TBC1D8B: variants seen among roughly 807,000 people sequenced by gnomAD.
The protein encoded by TBC1D8B is TBC1 domain family member 8B.
TBC1D8B carries 75 observed loss-of-function variants against 82.9 expected under a neutral mutation model. The observed-to-expected ratio is 0.90, with a 90% CI of 0.75 to 1.10. The LOEUF is 1.10. Among genes scored for constraint, TBC1D8B ranks in the 50% least tolerant of loss-of-function variants. TBC1D8B has a pLI of 0.00. For missense variants in TBC1D8B, 794 were observed against 796.9 expected (o/e 1.00, Z 0.04); for synonymous variants, 276 against 276.8 (o/e 1.00, Z 0.03).
At chrX:106,846,890 A>G (rs1488183072) in intron 10 of TBC1D8B, among the ~76,000 whole-genome samples, 1 of 112,549 alleles carries the variant, frequency 8.9e-6, no homozygotes, top group African/African-American at 3.2e-5. Context: ...AGAAATTAAA[A>G]TTAAAACAAT....
intron 10 of TBC1D8B, among the ~76,000 whole-genome samples, chrX:106,846,801 C>G (rs1932465199): frequency 9.0e-6 from 1 of 111,239 alleles, no homozygotes; most frequent in East Asian, 2.8e-4. Context: ...TAAAAATGAG[C>G]AATGGACATG....
rs754093308 is a variant in TBC1D8B at position 106,802,972 on chromosome X, G to A, written c.119G>A (p.Gly40Glu). 3.3e-6 allele frequency: 4 copies of A among 1,206,709 alleles called. No individual in the cohort carries two copies. The highest frequency in any genetic ancestry group is 4.5e-6 in the Non-Finnish European group (4 of 893,552). ...RRRGYGEEGG[G>E]GLTGLLVGTL... ...CGGGGCTACGGGGAGGAAGGCGGAG[G>A]GGGGCTCACAGGTAAGCTGTGGCCA... Residue 40 changes from glycine to glutamate, a missense_variant, in exon 1 of 21, where the codon GGG becomes GAG. Coordinates refer to ENST00000357242, the MANE Select transcript of TBC1D8B (RefSeq NM_017752.3).
rs1218995817 is a variant in TBC1D8B, at chrX:106,870,251, G to A, written c.2870-465G>A. On this transcript the variant is annotated intron_variant, in intron 19 of 20. Coordinates refer to ENST00000357242, the MANE Select transcript of TBC1D8B (RefSeq NM_017752.3). ...TCACCATGTTGGCCAGGCTGATCTCGAACTCCTGGCCTCAGGTGATCTGCC... is the reference window on the plus strand; with the variant it reads ...TCACCATGTTGGCCAGGCTGATCTCAAACTCCTGGCCTCAGGTGATCTGCC... Among the ~76,000 whole-genome samples, 11 of 111,820 alleles carry A rather than the reference G, an allele frequency of 9.8e-5. No homozygotes were observed. In the East Asian group the frequency reaches 2.5e-3, roughly 26 times the overall value.
Position 106,865,572 on chromosome X carries a change from C to A in TBC1D8B, c.2366C>A (p.Ser789Ter). 2.5e-6 allele frequency: 3 copies of A among 1,199,375 alleles called. No homozygotes were observed. The highest frequency in any genetic ancestry group is 1.1e-6 in the Non-Finnish European group (1 of 889,206). Residue 789 changes from serine (S) to a stop codon, truncating the protein, a stop_gained, in exon 15 of 21, where the codon TCA becomes TAA. Coordinates refer to ENST00000357242, the MANE Select transcript of TBC1D8B (RefSeq NM_017752.3). LOFTEE classifies it high-confidence loss of function. ...ATCTTTTTAAAGTTGCGTGTTGTAT[C>A]ACAAGATGTGAAATTGAGCCTTCAA... Reference protein sequence around the residue: ...TTKQNVLRVVSQDVKLSLQEL... With the variant: ...TTKQNVLRVV
At chrX:106,859,444 C>G (rs1932754446) in intron 14 of TBC1D8B, among the ~76,000 whole-genome samples, 1 of 111,362 alleles carries the variant, frequency 9.0e-6, no homozygotes, top group Admixed American at 9.5e-5. Flanking sequence ...AGCTGTATTC[C>G]TAGGTATTTT....
chrX:106,859,552 T>C (rs1932755499), intron 14 of TBC1D8B, among the ~76,000 whole-genome samples: 1 of 112,135 alleles, frequency 8.9e-6, no homozygotes, highest in Admixed American at 9.4e-5. Flanking sequence ...TTTTGTATTC[T>C]GAAACTTTGC....
chrX:106,869,639 T>TA (rs967735707), intron 19 of TBC1D8B, 98 bp downstream of exon 19: 1 of 565,680 alleles, frequency 1.8e-6, no homozygotes, highest in Admixed American at 3.5e-5. Context: ...TTTTAAAGGC[T>TA]ATTGATGTCT....
In TBC1D8B at chrX:106,840,683, C is replaced by T. The variant is rs1228158528; in HGVS notation, c.1518C>T (p.Asp506=). ...TAATCTTCACAGGTGCTGTTAATGA[C>T]ATGGCTACTAATCCTGACTATTATA... ...LWMLFSGAVN[D]MATNPDYYTE... is the part of the protein sequence containing the mutation. Residue 506 remains aspartate (D), a synonymous_variant, in exon 10 of 21, where the codon GAC becomes GAT. Coordinates refer to ENST00000357242, the MANE Select transcript of TBC1D8B (RefSeq NM_017752.3). 9 of 1,206,729 alleles carry T rather than the reference C, an allele frequency of 7.5e-6. No homozygotes were observed. Among genetic ancestry groups the T allele is most frequent in the Middle Eastern group, 2.3e-4 (1 of 4,327 alleles).
chrX:106,865,547 A>G lies in TBC1D8B; in HGVS notation c.2353-12A>G. The G allele has an allele frequency of 8.4e-7, 1 of 1,184,005 alleles. No homozygotes were observed. The highest frequency in any genetic ancestry group is 1.7e-5 in the African/African-American group (1 of 57,186). ...AAATCTGTGTACTAAATTGCTTTTA[A>G]TCTTTTTAAAGTTGCGTGTTGTATC... On this transcript the variant is annotated splice_polypyrimidine_tract_variant and intron_variant, in intron 14 of 20. Coordinates refer to ENST00000357242, the MANE Select transcript of TBC1D8B (RefSeq NM_017752.3).
At chrX:106,816,984 A>G (rs977933160) in intron 1 of TBC1D8B, among the ~76,000 whole-genome samples, 1 of 111,302 alleles carries the variant, frequency 9.0e-6, no homozygotes, top group Non-Finnish European at 1.9e-5. Flanking sequence ...TAAAATCTCA[A>G]TTCTTTTTAA....
intron 9 of TBC1D8B, among the ~76,000 whole-genome samples, chrX:106,840,432 G>C (rs776917471): frequency 9.0e-6 from 1 of 111,283 alleles, no homozygotes; most frequent in South Asian, 3.8e-4. Flanking sequence ...TATACTGGGG[G>C]AATCTTTAGT....
intron 20 of TBC1D8B, among the ~76,000 whole-genome samples, chrX:106,871,436 A>G (rs989339111): frequency 1.8e-5 from 2 of 112,144 alleles, no homozygotes; most frequent in African/African-American, 6.5e-5. Flanking sequence ...TAGAATTACT[A>G]TAAATGAACA....
chrX:106,817,919 T>A (rs981385058), intron 1 of TBC1D8B, among the ~76,000 whole-genome samples: 4 of 110,584 alleles, frequency 3.6e-5, no homozygotes, highest in African/African-American at 1.3e-4. Context: ...ATGGGAGAAA[T>A]TAACTGGTTG....
intron 7 of TBC1D8B, chrX:106,829,077 T>C (rs1602416017): frequency 1.9e-5 from 2 of 106,684 alleles, no homozygotes; most frequent in African/African-American, 7.5e-5. Context: ...CTTAAGCTGA[T>C]AAGCAACTTC....
At chrX:106,809,884 CAA>C (rs1234195385) in intron 1 of TBC1D8B, among the ~76,000 whole-genome samples, 80 of 36,776 alleles carry the variant, frequency 2.2e-3, no homozygotes, top group African/African-American at 6.3e-3. Flanking sequence ...GACTCCGTCT[CAA>C]AAAAAAAAAA....
At chrX:106,869,712 A>G (rs936238162) in intron 19 of TBC1D8B, among the ~76,000 whole-genome samples, 171 bp downstream of exon 19, 5 of 112,353 alleles carry the variant, frequency 4.5e-5, no homozygotes, top group African/African-American at 1.6e-4. Flanking sequence ...TATTTTTAAA[A>G]GATTTGTTTT....
At chrX:106,856,055 A>G (rs914738449) in intron 14 of TBC1D8B, among the ~76,000 whole-genome samples, 4 of 111,964 alleles carry the variant, frequency 3.6e-5, no homozygotes, top group African/African-American at 9.7e-5. Flanking sequence ...ACAAAACAAA[A>G]CAAAATCTTC....
At chrX:106,850,450 C>T in intron 12 of TBC1D8B, 140 bp downstream of exon 12, 1 of 592,196 alleles carries the variant, frequency 1.7e-6, no homozygotes, top group South Asian at 4.3e-5. Flanking sequence ...GAAAGAGCTA[C>T]ACCTAAAGTC....
chrX:106,830,144 A>G (rs1247939598), intron 7 of TBC1D8B: 2 of 112,373 alleles, frequency 1.8e-5, no homozygotes, highest in Non-Finnish European at 3.8e-5. Flanking sequence ...GGATATGAAC[A>G]GACACTTCTC....
Sources: gnomAD v4.1 joint callset for allele counts (sites outside exome capture counted in the v4.1 genomes callset) on GRCh38, gnomAD v4.1.1 for gene constraint, MANE v1.5 for transcripts, NCBI Gene and HGNC (gene_info 2026-07-23, HGNC 2026-07-21) for gene names.